Variants in EIF2AK3 observed in about 807,000 individuals in gnomAD.
EIF2AK3 encodes the protein eukaryotic translation initiation factor 2-alpha kinase 3.
In EIF2AK3, 50 loss-of-function variants were observed where a neutral mutation model predicts 113.5. That is an observed-to-expected ratio of 0.44 (90% CI 0.35 to 0.56). EIF2AK3 has a LOEUF of 0.56. Ranked by LOEUF, EIF2AK3 falls within the 20% of genes least tolerant of loss-of-function variation. EIF2AK3 has a pLI of 0.00. For synonymous variants in EIF2AK3, 448 were observed against 495.4 expected (o/e 0.90, Z 1.27); for missense variants, 1,185 against 1,378.0 (o/e 0.86, Z 2.22).
chr2:88,599,228 A>G (rs1202075492), intron 2 of EIF2AK3, among the ~76,000 whole-genome samples: 5 of 152,246 alleles, frequency 3.3e-5, no homozygotes, highest in African/African-American at 1.2e-4. Context: ...AAAACATTTG[A>G]TTTTCAGTAA....
At chr2:88,581,875 G>A (rs554192084) in intron 10 of EIF2AK3, among the ~76,000 whole-genome samples, 7 of 152,264 alleles carry the variant, frequency 4.6e-5, no homozygotes, top group Non-Finnish European at 8.8e-5. Flanking sequence ...GGCCTTTTAA[G>A]ACTCCATTAC....
intron 12 of EIF2AK3, among the ~76,000 whole-genome samples, chr2:88,576,240 T>C (rs1674453717): frequency 6.6e-6 from 1 of 152,192 alleles, no homozygotes; most frequent in Admixed American, 6.5e-5. Context: ...TTTTAAAATG[T>C]AAGTTCTCTC....
At chr2:88,581,192 A>G (rs1346214211) in intron 10 of EIF2AK3, among the ~76,000 whole-genome samples, 1 of 150,120 alleles carries the variant, frequency 6.7e-6, no homozygotes, top group Non-Finnish European at 1.5e-5. Context: ...AACATTAGGT[A>G]TTATTATAGA....
intron 2 of EIF2AK3, among the ~76,000 whole-genome samples, chr2:88,597,361 C>T (rs903344280): frequency 1.3e-5 from 2 of 152,148 alleles, no homozygotes; most frequent in Admixed American, 1.3e-4. Flanking sequence ...TATGTATCTT[C>T]CAGATTAATC....
intron 8 of EIF2AK3, among the ~76,000 whole-genome samples, chr2:88,587,599 A>T (rs1366885758): frequency 6.6e-6 from 1 of 152,244 alleles, no homozygotes; most frequent in African/African-American, 2.4e-5. Context: ...CCTACATAAT[A>T]TAGTCTGATA....
At chr2:88,583,889 G>A (rs914091509) in intron 9 of EIF2AK3, among the ~76,000 whole-genome samples, 1 of 146,176 alleles carries the variant, frequency 6.8e-6, no homozygotes, top group Non-Finnish European at 1.5e-5. Context: ...AAATAAGGTA[G>A]GGAAAAAAAG....
chr2:88,598,051 C>G (rs1353279449), intron 2 of EIF2AK3, among the ~76,000 whole-genome samples: 1 of 152,108 alleles, frequency 6.6e-6, no homozygotes, highest in East Asian at 1.9e-4. Context: ...TTTCAAAAAA[C>G]AAGGATGTGC....
intron 4 of EIF2AK3, 73 bp downstream of exon 4, chr2:88,593,199 C>T: frequency 6.3e-7 from 1 of 1,579,318 alleles, no homozygotes; most frequent in Non-Finnish European, 8.7e-7. Context: ...TCTCCACAAA[C>T]AGAAATCTGA....
Position 88,627,389 on chromosome 2 carries a change from C to A in EIF2AK3, c.-115G>T. The A allele has an allele frequency of 2.4e-6, 3 of 1,259,738 alleles. No homozygotes were observed. The allele number at this position is 1,259,738 out of a possible 1,614,324, so 78.0% of individuals were successfully genotyped here. A position where few individuals can be genotyped will look rare whatever the true frequency, so the allele number is the denominator to read the frequency against. On this transcript the variant is annotated 5_prime_UTR_variant, in exon 1 of 17. Coordinates refer to ENST00000303236, the MANE Select transcript of EIF2AK3 (RefSeq NM_004836.7). ...GCTAGGGACCCTACTGCCGCCCCGA[C>A]GGCCTGGACAGCCAGCCGTGTTCCC...
At chr2:88,607,474 A>G (rs2104460892) in intron 2 of EIF2AK3, among the ~76,000 whole-genome samples, 1 of 152,326 alleles carries the variant, frequency 6.6e-6, no homozygotes, top group East Asian at 1.9e-4. Context: ...ATGCACCTTA[A>G]CGGTTTTAGC....
chr2:88,588,166 G>T, intron 7 of EIF2AK3, 62 bp from the exon 8 acceptor site: 1 of 1,118,776 alleles, frequency 8.9e-7, no homozygotes, highest in South Asian at 1.7e-5. Flanking sequence ...GTTATGACTT[G>T]AATAAAAATG....
At chr2:88,571,143 G>A (rs1024888900) in intron 13 of EIF2AK3, 102 bp from the exon 14 acceptor site, 1 of 1,353,926 alleles carries the variant, frequency 7.4e-7, no homozygotes, top group African/African-American at 1.4e-5. Flanking sequence ...CAACAAACTA[G>A]ATATTTTCAA....
At chr2:88,595,987 C>A (rs1675011054) in intron 2 of EIF2AK3, 1 of 392,128 alleles carries the variant, frequency 2.6e-6, no homozygotes, top group Non-Finnish European at 4.7e-6. Context: ...GTTTTATGAT[C>A]AAGTGAGTTC....
At chr2:88,602,847 G>A (rs765476246) in intron 2 of EIF2AK3, among the ~76,000 whole-genome samples, 27 of 151,958 alleles carry the variant, frequency 1.8e-4, no homozygotes, top group Non-Finnish European at 3.2e-4. Flanking sequence ...AACACCTAAT[G>A]TATGTGGGGT....
At chr2:88,580,345 T>C (rs544674139) in intron 10 of EIF2AK3, among the ~76,000 whole-genome samples, 1 of 152,360 alleles carries the variant, frequency 6.6e-6, no homozygotes, top group South Asian at 2.1e-4. Flanking sequence ...TCTGCTCCAC[T>C]GGGATGGCCT....
chr2:88,561,122 T>C (rs571354156), intron 15 of EIF2AK3, among the ~76,000 whole-genome samples: 2 of 151,976 alleles, frequency 1.3e-5, no homozygotes, highest in African/African-American at 4.8e-5. Flanking sequence ...GCCTTGCTAA[T>C]TTTTAAATTT....
At chr2:88,620,073 G>A (rs531417249) in intron 1 of EIF2AK3, among the ~76,000 whole-genome samples, 2 of 152,158 alleles carry the variant, frequency 1.3e-5, no homozygotes, top group African/African-American at 2.4e-5. Context: ...CCTGCCTCAG[G>A]TTTCTTTCCC....
intron 2 of EIF2AK3, among the ~76,000 whole-genome samples, chr2:88,607,546 A>C (rs1675321552): frequency 6.6e-6 from 1 of 152,338 alleles, no homozygotes; most frequent in Admixed American, 6.5e-5. Flanking sequence ...GTCCCAAGGT[A>C]CACAATTCAT....
intron 16 of EIF2AK3, among the ~76,000 whole-genome samples, chr2:88,558,351 ATC>A (rs1467069269): frequency 6.6e-6 from 1 of 152,250 alleles, no homozygotes; most frequent in African/African-American, 2.4e-5. Flanking sequence ...ATCTACAATT[ATC>A]TCAATAGAAA....
Sources: allele counts gnomAD v4.1 joint callset (sites outside exome capture counted in the v4.1 genomes callset), GRCh38; gene constraint gnomAD v4.1.1; transcripts MANE v1.5; gene names NCBI Gene and HGNC (gene_info 2026-07-23, HGNC 2026-07-21).